Variants in MVP observed in about 807,000 individuals in gnomAD.
MVP encodes major vault protein, also known as lung resistance-related protein.
Under a neutral mutation model 83.5 loss-of-function variants are expected in MVP, and 62 were observed. That is an observed-to-expected ratio of 0.74 (90% CI 0.61 to 0.92). The LOEUF is 0.92. MVP is among the 40% of genes least tolerant of loss of function. The probability of loss-of-function intolerance (pLI) is 0.00; values close to 1 mark genes in which losing one functional copy is unlikely to be tolerated. For missense variants in MVP, 1,000 were observed against 1,203.4 expected, an observed-to-expected ratio of 0.83 and a Z score of 2.50; for synonymous variants, 505 against 504.1, an observed-to-expected ratio of 1.00 and a Z score of -0.02.
At position 29,847,375 on chromosome 16, in the gene MVP, C is replaced by A; in HGVS notation, c.2444C>A (p.Pro815His). ...STIRDLAVAGPEMQVKLLQSL... is the reference protein window; with the variant it reads ...STIRDLAVAGHEMQVKLLQSL... ...ATCAGGGACCTTGCTGTGGCTGGGC[C>A]TGAGATGCAGGTGAGAGTTGGGGAA... The change falls in exon 14 of 15, where the codon CCT becomes CAT. Residue 815 changes from proline (P) to histidine (H), a missense_variant. Transcript: ENST00000357402. 6.4e-7 allele frequency: 1 copy of A among 1,551,150 alleles called. No individual in the cohort carries two copies. The highest frequency in any genetic ancestry group is 1.2e-5 in the South Asian group (1 of 80,820).
chr16:29,831,781 G>A (rs984552517), intron 3 of MVP: 1 of 453,842 alleles, frequency 2.2e-6, no homozygotes, highest in Admixed American at 2.4e-5. Flanking sequence ...CCCAGGCTGT[G>A]CCTGTTCTAG....
At chr16:29,830,058 C>T (rs2150752233) in intron 1 of MVP, 1 of 155,916 alleles carries the variant, frequency 6.4e-6, no homozygotes, top group East Asian at 1.9e-4. Context: ...GGGCTGCCTC[C>T]CTCTGGAGGA....
Position 29,830,601 on chromosome 16 carries a change from G to T in MVP, c.52G>T (p.Val18Leu). 1 of 1,614,074 alleles carries T rather than the reference G, an allele frequency of 6.2e-7. No individual in the cohort carries two copies. Among genetic ancestry groups the T allele is most frequent in the Non-Finnish European group, 8.5e-7 (1 of 1,180,006 alleles). Residue 18 changes from valine to leucine, a missense_variant, in exon 2 of 15, where the codon GTG (valine) becomes TTG (leucine). By Grantham distance (32) the Val-to-Leu change is conservative. Coordinates refer to ENST00000357402, the MANE Select transcript of MVP (RefSeq NM_005115.5). ...IRIPPYHYIHVLDQNSNVSRV... is the reference protein window; with the variant it reads ...IRIPPYHYIHLLDQNSNVSRV... ...CATCCCCCCATACCACTATATCCAT[G>T]TGCTGGACCAGAACAGCAACGTGTC...
In MVP at chr16:29,832,292, C is replaced by CTTTT. The variant is rs36059297; in HGVS notation, c.321+1239_321+1242dup. 1.0e-3 allele frequency among the ~76,000 whole-genome samples: 110 copies of CTTTT among 107,280 alleles called. 2 individuals are homozygous for CTTTT. Among genetic ancestry groups the CTTTT allele is most frequent in the African/African-American group, 2.6e-3 (64 of 25,078 alleles). The allele number at this position is 107,280 out of a possible 152,430, so 70.4% of individuals were successfully genotyped here. A position where few individuals can be genotyped will look rare whatever the true frequency, so the allele number is the denominator to read the frequency against. On this transcript the variant is annotated intron_variant, in intron 3 of 14. Coordinates refer to ENST00000357402, the MANE Select transcript of MVP (RefSeq NM_005115.5). ...GAAAAGTATATAGGGATTCTTGTAC[C>CTTTT]TTTTTTTTTTTTTTTTTTTTTTTGA...
At chr16:29,822,470 C>CTTA (rs1357298242) in intron 1 of MVP, 9 of 152,236 alleles carry the variant, frequency 5.9e-5, no homozygotes, top group African/African-American at 2.2e-4. Flanking sequence ...GAATATTTAA[C>CTTA]TTAAATCAGT....
intron 7 of MVP, among the ~76,000 whole-genome samples, chr16:29,839,720 G>A (rs749029327): frequency 7.0e-6 from 1 of 143,626 alleles, no homozygotes; most frequent in Non-Finnish European, 1.5e-5. Flanking sequence ...GAAGGTTGAG[G>A]CTGCAGAGAG....
chr16:29,839,783 C>CAAAAAAAAAA (rs71373206), intron 7 of MVP, among the ~76,000 whole-genome samples: 2 of 47,374 alleles, frequency 4.2e-5, no homozygotes, highest in African/African-American at 9.6e-5. Context: ...AAGACTATCT[C>CAAAAAAAAAA]AAAAAAAAAA....
rs1389059985 is a variant in MVP, at chr16:29,845,835, CCTCTCACCTGCG to C, written c.2022-24_2022-13del. On this transcript the variant is annotated splice_polypyrimidine_tract_variant and intron_variant, in intron 11 of 14. Coordinates refer to ENST00000357402, the MANE Select transcript of MVP (RefSeq NM_005115.5). ...TGTTCCTGCTCTGGCCCCATGCCAG[CCTCTCACCTGCG>C]CTCCGTCTCCTCCAGGCATGAGGCT... The C allele has an allele frequency of 6.2e-7, 1 of 1,603,736 alleles. No homozygotes were observed. The highest frequency in any genetic ancestry group is 8.5e-7 in the Non-Finnish European group (1 of 1,172,172).
At chr16:29,836,124 G>A (rs1273224618) in intron 6 of MVP, among the ~76,000 whole-genome samples, 1 of 151,800 alleles carries the variant, frequency 6.6e-6, no homozygotes, top group African/African-American at 2.4e-5. Context: ...AAATTAGCTG[G>A]GTGTAGTGGA....
intron 10 of MVP, 128 bp downstream of exon 10, chr16:29,842,240 C>T (rs2150759085): frequency 2.2e-6 from 2 of 924,936 alleles, no homozygotes; most frequent in Non-Finnish European, 3.2e-6. Flanking sequence ...CACTATACTC[C>T]AGCCTGGGTG....
In MVP at chr16:29,841,955, G is replaced by A. The variant is rs1278755215; in HGVS notation, c.1477G>A (p.Glu493Lys). ...TGAGCTGGTGTCGCTGGGTCCTGAG[G>A]AGCAGTTCACAGTGTTGTCCCTCTC... is the stretch of plus-strand genomic sequence containing the variant. The part of the protein sequence containing the change: ...GPELVSLGPE[E>K]QFTVLSLSAG... Residue 493 changes from glutamate (E) to lysine (K), a missense_variant, in exon 10 of 15, where the codon GAG (glutamate) becomes AAG (lysine). By Grantham distance (56) the Glu-to-Lys change is moderately conservative (BLOSUM62 1). Transcript: ENST00000357402. This position sits in a 1 kb window ranked among gnomAD's most constrained non-coding sequence, Gnocchi z 4.7. The A allele has an allele frequency of 1.2e-6, 2 of 1,612,910 alleles. No homozygotes were observed. The highest frequency in any genetic ancestry group is 2.7e-5 in the African/African-American group (2 of 75,048).
chr16:29,838,601 G>T (rs1392416877), intron 7 of MVP, among the ~76,000 whole-genome samples: 1 of 152,202 alleles, frequency 6.6e-6, no homozygotes, highest in Admixed American at 6.5e-5. Flanking sequence ...GCCGAGGCAG[G>T]AGGATTGCTT....
intron 5 of MVP, chr16:29,834,916 G>A (rs1333894785): frequency 7.4e-6 from 1 of 134,812 alleles, no homozygotes; most frequent in Non-Finnish European, 1.5e-5. Flanking sequence ...CACCATGTTA[G>A]CCAGGGTGGT....
At chr16:29,824,888 T>C (rs953206521) in intron 1 of MVP, among the ~76,000 whole-genome samples, 4 of 151,990 alleles carry the variant, frequency 2.6e-5, no homozygotes, top group African/African-American at 9.7e-5. Context: ...AAGAGTCTGA[T>C]CCGGTCTCCC....
Position 29,841,889 on chromosome 16 carries a change from G to T in MVP, c.1437-26G>T. 1 of 1,610,706 alleles carries T rather than the reference G, an allele frequency of 6.2e-7. No homozygotes were observed. Among genetic ancestry groups the T allele is most frequent in the South Asian group, 1.1e-5 (1 of 91,070 alleles). On this transcript the variant is annotated intron_variant, in intron 9 of 14. Coordinates refer to ENST00000357402, the MANE Select transcript of MVP (RefSeq NM_005115.5). The surrounding 1 kb of genome is among the most constrained non-coding windows in gnomAD (Gnocchi z 4.7). Reference sequence around the variant, plus strand: ...TAGGGGGTGGCTCTCCATGGGTCTGGCTCTGACCCTCGGCTGTCTCTGCAG... The same window carrying T: ...TAGGGGGTGGCTCTCCATGGGTCTGTCTCTGACCCTCGGCTGTCTCTGCAG...
intron 5 of MVP, 160 bp downstream of exon 5, chr16:29,834,226 A>C (rs2067467692): frequency 4.1e-6 from 4 of 981,534 alleles, no homozygotes; most frequent in Non-Finnish European, 5.8e-6. Context: ...TTCCTTCCCC[A>C]CCCCCGCTTC....
At chr16:29,842,520 G>A (rs1164160708) in intron 10 of MVP, among the ~76,000 whole-genome samples, 1 of 152,082 alleles carries the variant, frequency 6.6e-6, no homozygotes, top group Non-Finnish European at 1.5e-5. Flanking sequence ...GGTCAGGCTG[G>A]TCTCGAACTC....
intron 3 of MVP, 123 bp downstream of exon 3, chr16:29,831,196 G>A (rs548769001): frequency 5.6e-5 from 56 of 995,280 alleles, no homozygotes; most frequent in Non-Finnish European, 6.6e-5. Context: ...CACTCTTGTC[G>A]CCCAGGCTGG....
intron 5 of MVP, 63 bp from the exon 6 acceptor site, chr16:29,835,641 G>T: frequency 7.3e-7 from 1 of 1,364,610 alleles, no homozygotes; most frequent in South Asian, 1.2e-5. Context: ...TAAGCTGTGG[G>T]GGAGGGGTAG....
Sources: gnomAD v4.1 joint callset for allele counts (sites outside exome capture counted in the v4.1 genomes callset) on GRCh38, gnomAD v4.1.1 for gene constraint, Gnocchi (gnomAD v3.1) non-coding constraint, MANE v1.5 for transcripts, NCBI Gene and HGNC (gene_info 2026-07-23, HGNC 2026-07-21) for gene names.